The following SNX13 variants were observed in gnomAD, a reference collection of about 807,000 sequenced individuals.
SNX13 encodes sorting nexin-13.
SNX13 carries 45 observed loss-of-function variants against 133.6 expected under a neutral mutation model. The ratio of observed to expected loss-of-function variants is 0.34; its 90% CI spans 0.27 to 0.43. SNX13 has a LOEUF of 0.43. Among genes scored for constraint, SNX13 ranks in the 20% least tolerant of loss-of-function variants. The pLI is 1.00. For missense variants in SNX13, 1,032 were observed against 1,145.1 expected (o/e 0.90, Z 1.43); for synonymous variants, 414 against 373.9 (o/e 1.11, Z -1.24).
intron 16 of SNX13, among the ~76,000 whole-genome samples, chr7:17,827,302 G>A (rs960275727): frequency 2.6e-5 from 4 of 151,904 alleles, no homozygotes; most frequent in South Asian, 2.1e-4. Flanking sequence ...CATGTTTCAC[G>A]TATTTATATC....
intron 22 of SNX13, among the ~76,000 whole-genome samples, chr7:17,801,039 T>C (rs1185577424): frequency 1.8e-4 from 4 of 22,446 alleles, no homozygotes; most frequent in Non-Finnish European, 3.0e-4. Flanking sequence ...TATATATATA[T>C]ATATATATAT....
intron 1 of SNX13, among the ~76,000 whole-genome samples, chr7:17,939,604 T>A (rs1802535024): frequency 6.6e-6 from 1 of 152,174 alleles, no homozygotes; most frequent in African/African-American, 2.4e-5. Flanking sequence ...TACTTCCATT[T>A]CAGGTCCAAA....
rs574255091 is a variant in SNX13 at position 17,822,311 on chromosome 7, G to T, written c.1706-663C>A. On this transcript the variant is annotated intron_variant, in intron 17 of 25. Coordinates refer to ENST00000428135, the MANE Select transcript of SNX13 (RefSeq NM_015132.5). ...TTGTACTAATCTTAACTAAGGAGAT[G>T]CACTTTAAATCATTTTCTCTAACTT... Among the ~76,000 whole-genome samples, 4 of 151,982 alleles carry T rather than the reference G, an allele frequency of 2.6e-5. No individual in the cohort carries two copies. In the South Asian group the frequency reaches 8.3e-4, roughly 32 times the overall value.
chr7:17,834,119 C>G lies in SNX13; in HGVS notation c.1530G>C (p.Val510=). The G allele has an allele frequency of 6.3e-7, 1 of 1,594,302 alleles. No individual in the cohort carries two copies. ...ACATGTCAAGCTCAGCTAACATGCG[C>G]ACATAAAGTGCATTCTGTCTGAAGG... is the stretch of plus-strand genomic sequence containing the variant. ...YPSFRQNALY[V]RMLAELDMLK... The change falls in exon 15 of 26, where the codon GTG becomes GTC. Residue 510 remains valine, a synonymous_variant. Coordinates refer to ENST00000428135, the MANE Select transcript of SNX13 (RefSeq NM_015132.5).
At chr7:17,913,064 G>A (rs1173382738) in intron 1 of SNX13, among the ~76,000 whole-genome samples, 1 of 152,194 alleles carries the variant, frequency 6.6e-6, no homozygotes, top group African/African-American at 2.4e-5. Flanking sequence ...TTCAGGGAGA[G>A]TGTCTCACTA....
At position 17,875,675 on chromosome 7, in the gene SNX13, C is replaced by T; in HGVS notation, c.556G>A (p.Val186Met). ...AATGGAATAAAGATATTACCTTTCA[C>T]TTGATCATCTTTCTCTGTTATTTTC... ...QQKITEKDDQ[V>M]KGTAEDLVDT... is the part of the protein sequence containing the mutation. The change falls in exon 6 of 26, where the codon GTG (valine) becomes ATG (methionine). Residue 186 changes from valine to methionine, a missense_variant. Transcript: ENST00000428135. The T allele has an allele frequency of 6.2e-7, 1 of 1,608,878 alleles. No individual in the cohort carries two copies. The highest frequency in any genetic ancestry group is 8.5e-7 in the Non-Finnish European group (1 of 1,177,158).
At chr7:17,897,516 A>C in intron 1 of SNX13, 70 bp from the exon 2 acceptor site, 1 of 873,966 alleles carries the variant, frequency 1.1e-6, no homozygotes, top group Non-Finnish European at 1.7e-6. Flanking sequence ...GAACCAACAA[A>C]ACTTTTACAT....
At chr7:17,903,430 T>G (rs1034982288) in intron 1 of SNX13, among the ~76,000 whole-genome samples, 1 of 151,252 alleles carries the variant, frequency 6.6e-6, no homozygotes, top group Non-Finnish European at 1.5e-5. Context: ...TATGAAGCAG[T>G]AGAAGGCAGC....
intron 18 of SNX13, among the ~76,000 whole-genome samples, chr7:17,818,557 G>A (rs931005853): frequency 7.2e-5 from 11 of 151,928 alleles, no homozygotes; most frequent in Admixed American, 1.3e-4. Flanking sequence ...TTTAAACTAC[G>A]AACAAAACAA....
At chr7:17,869,260 C>A (rs2128346425) in intron 8 of SNX13, among the ~76,000 whole-genome samples, 1 of 152,152 alleles carries the variant, frequency 6.6e-6, no homozygotes, top group South Asian at 2.1e-4. Flanking sequence ...TCTAGGAAAC[C>A]TCCATATGAG....
At chr7:17,796,719 C>T in intron 25 of SNX13, 108 bp downstream of exon 25, 1 of 762,572 alleles carries the variant, frequency 1.3e-6, no homozygotes, top group Non-Finnish European at 2.3e-6. Flanking sequence ...ATTAAGCCAT[C>T]AAAAGGTAGT....
intron 25 of SNX13, chr7:17,795,208 C>A (rs1013238979): frequency 5.9e-5 from 9 of 151,446 alleles, no homozygotes; most frequent in African/African-American, 2.2e-4. Flanking sequence ...ATAAATAACA[C>A]CAAGTTATGA....
chr7:17,832,435 T>G, intron 15 of SNX13: 1 of 984,576 alleles, frequency 1.0e-6, no homozygotes, highest in Non-Finnish European at 1.2e-6. Context: ...CACAATTATT[T>G]GGTTATGACT....
chr7:17,852,754 C>T (rs140593668), intron 9 of SNX13, among the ~76,000 whole-genome samples: 144 of 152,094 alleles, frequency 9.5e-4, no homozygotes, highest in Middle Eastern at 3.4e-3. Flanking sequence ...TGTGATGGTA[C>T]AGAAAGAAAG....
At chr7:17,832,687 GAAGAA>G (rs1228278431) in intron 15 of SNX13, among the ~76,000 whole-genome samples, 2 of 151,330 alleles carry the variant, frequency 1.3e-5, no homozygotes, top group Admixed American at 6.6e-5. Flanking sequence ...TCAACTCAGA[GAAGAA>G]CTCTGTTTTT....
rs74739993 is a variant in SNX13 at position 17,894,678 on chromosome 7, T to C, written c.126-1244A>G. On this transcript the variant is annotated intron_variant, in intron 2 of 25. Transcript: ENST00000428135. The stretch of plus-strand genomic sequence containing the variant: ...ATTTCATAGATTTTAAATTTACCAA[T>C]AAAGCAAAGTGTTGGAAATCCATCA... 2.6e-4 allele frequency among the ~76,000 whole-genome samples: 40 copies of C among 152,308 alleles called. No individual in the cohort carries two copies. In the East Asian group the frequency reaches 7.1e-3, roughly 27 times the overall value.
chr7:17,824,918 C>T (rs1344635944), intron 17 of SNX13, among the ~76,000 whole-genome samples: 7 of 151,854 alleles, frequency 4.6e-5, no homozygotes, highest in Non-Finnish European at 8.8e-5. Context: ...TACAGGTGTG[C>T]ACCACCACGC....
At chr7:17,898,600 T>G (rs570357869) in intron 1 of SNX13, among the ~76,000 whole-genome samples, 110 of 152,184 alleles carry the variant, frequency 7.2e-4, no homozygotes, top group Non-Finnish European at 1.3e-3. Flanking sequence ...CATACCTTCA[T>G]AAGTTTACAT....
At chr7:17,874,930 G>A (rs779125714) in intron 7 of SNX13, among the ~76,000 whole-genome samples, 41 of 152,244 alleles carry the variant, frequency 2.7e-4, no homozygotes, top group Non-Finnish European at 5.1e-4. Context: ...AAATTCAAGA[G>A]GAAGAGAAAT....
Sources: allele counts gnomAD v4.1 joint callset (sites outside exome capture counted in the v4.1 genomes callset), GRCh38; gene constraint gnomAD v4.1.1; transcripts MANE v1.5; gene names NCBI Gene and HGNC (gene_info 2026-07-23, HGNC 2026-07-21).